Variants in ZNF182 observed in about 807,000 individuals in gnomAD.
ZNF182 encodes the protein zinc finger protein 21 (KOX 14).
In ZNF182, 10 loss-of-function variants were observed where a neutral mutation model predicts 28.1. The observed-to-expected ratio is 0.36, with a 90% CI of 0.22 to 0.60. ZNF182 has a LOEUF of 0.60. Among genes scored for constraint, ZNF182 ranks in the 20% least tolerant of loss-of-function variants. The pLI, the probability that ZNF182 is intolerant of heterozygous loss-of-function variation, is 0.75. For synonymous variants in ZNF182, 156 were observed against 158.7 expected (o/e 0.98, Z 0.13); for missense variants, 352 against 453.2 (o/e 0.78, Z 2.03).
rs1556902249 is a variant in ZNF182 at position 48,003,950 on chromosome X, C to G, written c.-281G>C. 8.9e-6 allele frequency: 1 copy of G among 111,944 alleles called. No homozygotes were observed. Among genetic ancestry groups the G allele is most frequent in the Non-Finnish European group, 1.9e-5 (1 of 53,180 alleles). 9.2% of individuals were successfully genotyped at this position (111,944 alleles called of 1,213,427 possible). A position where few individuals can be genotyped will look rare whatever the true frequency, so the allele number is the denominator to read the frequency against. On this transcript the variant is annotated 5_prime_UTR_variant, in exon 1 of 6. Coordinates refer to ENST00000376943, the MANE Select transcript of ZNF182 (RefSeq NM_001007088.2). ...ATTTTCTGCTCGCTGCTCAGGAGAC[C>G]GTTACAAAGCCTGGCCCCAACAAGC...
rs1284071640 is a variant in ZNF182 at position 47,975,553 on chromosome X, C to T, written c.*614G>A. ...TTGACAACTGAGAATTTTTTCCCCC[C>T]ACAGCTGTTCGTTCTTTCTGACTTT... On this transcript the variant is annotated 3_prime_UTR_variant, in exon 6 of 6. Coordinates refer to ENST00000376943, the MANE Select transcript of ZNF182 (RefSeq NM_001007088.2). 1.8e-5 allele frequency: 2 copies of T among 109,992 alleles called. No homozygotes were observed. Among genetic ancestry groups the T allele is most frequent in the African/African-American group, 3.3e-5 (1 of 30,069 alleles). The allele number at this position is 109,992 out of a possible 1,213,427, so 9.1% of individuals were successfully genotyped here. A position where few individuals can be genotyped will look rare whatever the true frequency, so the allele number is the denominator to read the frequency against.
chrX:47,974,940 G>A lies in ZNF182; in HGVS notation c.*1227C>T, dbSNP rs1035837379. ...TTTTCAAAAGCTATGAAAGGATACA[G>A]TTGTCTCCCTCTCAATTCCATCCCC... On this transcript the variant is annotated 3_prime_UTR_variant, in exon 6 of 6. Transcript: ENST00000376943. The A allele has an allele frequency of 1.1e-4, 12 of 111,579 alleles. No homozygotes were observed. The highest frequency in any genetic ancestry group is 3.3e-4 in the African/African-American group (10 of 30,671). The allele number at this position is 111,579 out of a possible 1,213,427, so 9.2% of individuals were successfully genotyped here. A position where few individuals can be genotyped will look rare whatever the true frequency, so the allele number is the denominator to read the frequency against.
intron 5 of ZNF182, among the ~76,000 whole-genome samples, chrX:47,978,868 C>G (rs972061293): frequency 1.5e-4 from 17 of 112,240 alleles, no homozygotes; most frequent in Non-Finnish European, 2.8e-4. Flanking sequence ...CAAAGCTTTG[C>G]CTTTAATTTC....
At chrX:47,986,211 T>C (rs1442324151) in intron 3 of ZNF182, among the ~76,000 whole-genome samples, 1 of 112,461 alleles carries the variant, frequency 8.9e-6, no homozygotes, top group Non-Finnish European at 1.9e-5. Context: ...ACAGAATGGA[T>C]AGTAGAAGAA....
intron 3 of ZNF182, among the ~76,000 whole-genome samples, chrX:48,001,864 A>G (rs1017775515): frequency 8.9e-6 from 1 of 111,848 alleles, no homozygotes; most frequent in Non-Finnish European, 1.9e-5. Context: ...TGGGGAAGAC[A>G]TGACTATTAA....
chrX:47,981,245 C>G lies in ZNF182; in HGVS notation c.232+1704G>C. Among the ~76,000 whole-genome samples, 2 of 111,631 alleles carry G rather than the reference C, an allele frequency of 1.8e-5. 1 individual carries two copies. Among genetic ancestry groups the G allele is most frequent in the Middle Eastern group, 9.1e-3 (2 of 219 alleles). On this transcript the variant is annotated intron_variant, in intron 5 of 5. Coordinates refer to ENST00000376943, the MANE Select transcript of ZNF182 (RefSeq NM_001007088.2). ...CTTGAAGAAATCACCAATTCTAGGT[C>G]AGAGGCAGGAAATATACAAAAGGAG...
chrX:47,976,767 C>T lies in ZNF182; in HGVS notation c.1263G>A (p.Thr421=), dbSNP rs547486944. 1.8e-4 allele frequency: 214 copies of T among 1,208,401 alleles called. No homozygotes were observed. The South Asian group carries it at 3.2e-3, about 18-fold the overall frequency. The change falls in exon 6 of 6, where the codon ACG becomes ACA. Residue 421 remains threonine, a synonymous_variant. Coordinates refer to ENST00000376943, the MANE Select transcript of ZNF182 (RefSeq NM_001007088.2). ...GATGTACACCAAGGTTTGACTTTTG[C>T]GTGAAGGTTTTTCCACACACATCAC... ...YECDVCGKTF[T]QKSNLGVHQR...
At position 47,988,759 on chromosome X, in the gene ZNF182, GAAAT is replaced by G. The variant is rs1224657515; in HGVS notation, c.16-5352_16-5349del. On this transcript the variant is annotated intron_variant, in intron 3 of 5. Transcript: ENST00000376943. ...GCCAACTCAGGGACAACTGAGCATCGAAATAAATAATGACAGTAATATTCACTGA... is the reference window on the plus strand; with the variant it reads ...GCCAACTCAGGGACAACTGAGCATCGAAATAATGACAGTAATATTCACTGA... 3 of 286,774 alleles carry G rather than the reference GAAAT, an allele frequency of 1.0e-5. No individual in the cohort carries two copies. In the East Asian group the frequency reaches 1.5e-4, roughly 14 times the overall value. The allele number at this position is 286,774 out of a possible 1,213,427, so 23.6% of individuals were successfully genotyped here.
At chrX:48,002,425 C>G in intron 3 of ZNF182, 170 bp downstream of exon 3, 2 of 659,259 alleles carry the variant, frequency 3.0e-6, no homozygotes, top group Non-Finnish European at 4.8e-6. Flanking sequence ...CTGTTACACC[C>G]TGAGTCCTGC....
At chrX:47,983,244 T>A (rs1385958421) in intron 4 of ZNF182, 41 bp downstream of exon 4, 5 of 1,207,247 alleles carry the variant, frequency 4.1e-6, no homozygotes, top group Non-Finnish European at 5.6e-6. Flanking sequence ...TTGGATGCAA[T>A]AATCATAAAC....
chrX:47,979,204 T>A (rs893026728), intron 5 of ZNF182, among the ~76,000 whole-genome samples: 5 of 112,602 alleles, frequency 4.4e-5, no homozygotes, highest in Non-Finnish European at 9.4e-5. Flanking sequence ...TTTGCTATAG[T>A]GATACTGAAT....
chrX:48,000,396 T>C (rs1332807426), intron 3 of ZNF182, among the ~76,000 whole-genome samples: 1 of 107,896 alleles, frequency 9.3e-6, no homozygotes, highest in Admixed American at 9.9e-5. Flanking sequence ...ACCCTGTCTC[T>C]ACTAAGAATA....
intron 5 of ZNF182, among the ~76,000 whole-genome samples, chrX:47,979,866 G>GGTGTGTGT (rs56350180): frequency 0.016 from 1,410 of 89,758 alleles, 15 homozygotes; most frequent in Middle Eastern, 0.053. Flanking sequence ...GTGTGTGTGG[G>GGTGTGTGT]GTGTGTGTGT....
At chrX:47,994,885 T>C (rs1337579281) in intron 3 of ZNF182, among the ~76,000 whole-genome samples, 1 of 109,688 alleles carries the variant, frequency 9.1e-6, no homozygotes, top group Non-Finnish European at 1.9e-5. Flanking sequence ...GTGATCCACC[T>C]GCCTCAGCCT....
intron 3 of ZNF182, among the ~76,000 whole-genome samples, chrX:47,990,523 A>C (rs1374378784): frequency 6.2e-5 from 7 of 112,286 alleles, no homozygotes; most frequent in Non-Finnish European, 1.3e-4. Context: ...ACATACAGAA[A>C]TAAAGTAAAA....
intron 3 of ZNF182, among the ~76,000 whole-genome samples, chrX:47,989,014 T>C (rs1556900117): frequency 8.9e-6 from 1 of 112,385 alleles, no homozygotes. Context: ...GGGACAATTA[T>C]GTAACCTCAA....
chrX:47,976,009 T>G lies in ZNF182; in HGVS notation c.*158A>C. The G allele has an allele frequency of 1.9e-6, 1 of 534,335 alleles. No individual in the cohort carries two copies. The highest frequency in any genetic ancestry group is 2.8e-6 in the Non-Finnish European group (1 of 361,850). 44.0% of individuals were successfully genotyped at this position (534,335 alleles called of 1,213,427 possible). On this transcript the variant is annotated 3_prime_UTR_variant, in exon 6 of 6. Coordinates refer to ENST00000376943, the MANE Select transcript of ZNF182 (RefSeq NM_001007088.2). ...CAGATACAGAGATTACACTTCTGCT[T>G]TTTCTCCCGTAGCTTTTGGGTTATG...
chrX:47,995,042 G>A (rs1471971914), intron 3 of ZNF182, among the ~76,000 whole-genome samples: 1 of 109,222 alleles, frequency 9.2e-6, no homozygotes, highest in Non-Finnish European at 1.9e-5. Context: ...TATAAGACCA[G>A]CAGAAGAGGC....
At chrX:47,999,924 T>A (rs2058972925) in intron 3 of ZNF182, among the ~76,000 whole-genome samples, 1 of 111,116 alleles carries the variant, frequency 9.0e-6, no homozygotes, top group South Asian at 3.7e-4. Context: ...TCATCTGAGG[T>A]CAGCAGTTCG....
Sources: allele counts gnomAD v4.1 joint callset (sites outside exome capture counted in the v4.1 genomes callset), GRCh38; gene constraint gnomAD v4.1.1; transcripts MANE v1.5; gene names NCBI Gene and HGNC (gene_info 2026-07-23, HGNC 2026-07-21).